The following ATP8A1 variants were observed in gnomAD, a reference collection of about 807,000 sequenced individuals.
ATP8A1 encodes the protein phospholipid-transporting ATPase IA.
ATP8A1 carries 90 observed loss-of-function variants against 177.7 expected under a neutral mutation model. The ratio of observed to expected loss-of-function variants is 0.51; its 90% CI spans 0.43 to 0.60. The LOEUF (loss-of-function observed/expected upper bound fraction) is 0.60, where lower values mean the gene tolerates loss of function less well. Among genes scored for constraint, ATP8A1 ranks in the 20% least tolerant of loss-of-function variants. ATP8A1 has a pLI of 0.00. For synonymous variants in ATP8A1, 493 were observed against 485.9 expected, an observed-to-expected ratio of 1.01 and a Z score of -0.19; for missense variants, 1,072 against 1,392.8, an observed-to-expected ratio of 0.77 and a Z score of 3.67.
chr4:42,564,046 C>T (rs910965441), intron 15 of ATP8A1, among the ~76,000 whole-genome samples: 103 of 152,288 alleles, frequency 6.8e-4, no homozygotes, highest in African/African-American at 2.5e-3. Flanking sequence ...AGTGAGCCAA[C>T]ATTGCACTAC....
At chr4:42,477,458 C>T (rs569813050) in intron 25 of ATP8A1, among the ~76,000 whole-genome samples, 47 of 152,116 alleles carry the variant, frequency 3.1e-4, no homozygotes, top group Non-Finnish European at 4.9e-4. Context: ...TACATATACG[C>T]CACAGCCAAG....
intron 1 of ATP8A1, among the ~76,000 whole-genome samples, chr4:42,636,134 ACACACACACACACACACACACACG>A (rs1450820088): frequency 1.9e-4 from 7 of 37,148 alleles, no homozygotes; most frequent in African/African-American, 5.5e-4. Flanking sequence ...ACACACACAC[ACACACACACACACACACACACACG>A]CACACACACA....
chr4:42,482,256 C>T (rs1301092079), intron 25 of ATP8A1, among the ~76,000 whole-genome samples: 1 of 151,504 alleles, frequency 6.6e-6, no homozygotes, highest in African/African-American at 2.4e-5. Flanking sequence ...GAGCTGAGAT[C>T]GCGCCACTGC....
intron 16 of ATP8A1, among the ~76,000 whole-genome samples, chr4:42,553,482 T>A (rs1729719563): frequency 1.3e-5 from 2 of 152,088 alleles, no homozygotes; most frequent in African/African-American, 4.8e-5. Context: ...GACAGAAGGG[T>A]GTATCCTTTC....
At chr4:42,586,559 G>T in intron 8 of ATP8A1, 83 bp from the exon 9 acceptor site, 1 of 1,323,382 alleles carries the variant, frequency 7.6e-7, no homozygotes, top group Non-Finnish European at 1.1e-6. Context: ...ATTCATCCAA[G>T]TCTTAAGATC....
intron 16 of ATP8A1, 145 bp downstream of exon 16, chr4:42,555,823 C>CAAAT (rs1730169278): frequency 1.2e-5 from 7 of 586,290 alleles, no homozygotes; most frequent in Non-Finnish European, 2.0e-5. Flanking sequence ...GACTCTGTCT[C>CAAAT]AAATAACTAA....
chr4:42,462,929 C>T lies in ATP8A1; in HGVS notation c.2619+1761G>A, dbSNP rs534043093. ...AAGGTTTTACTGCCCTGCTGGATTT[C>T]GGACTTGCCTGGGGCCTGTGGTCCC... On this transcript the variant is annotated intron_variant, in intron 27 of 36. Transcript: ENST00000381668. Among the ~76,000 whole-genome samples the T allele has an allele frequency of 7.2e-5, 11 of 152,300 alleles. No homozygotes were observed. The East Asian group carries it at 1.5e-3, about 21-fold the overall frequency.
chr4:42,432,508 C>A (rs1366811581), intron 33 of ATP8A1, among the ~76,000 whole-genome samples: 3 of 152,130 alleles, frequency 2.0e-5, no homozygotes, highest in Admixed American at 2.0e-4. Context: ...TGGTGAAATA[C>A]CATGGTGGGA....
intron 20 of ATP8A1, among the ~76,000 whole-genome samples, chr4:42,528,237 A>G (rs10011415): frequency 0.056 from 8,450 of 152,190 alleles, 776 homozygotes; most frequent in African/African-American, 0.19. Context: ...GGATCCCCAC[A>G]TTGGCTCCCT....
At chr4:42,636,138 A>G (rs530595578) in intron 1 of ATP8A1, among the ~76,000 whole-genome samples, 969 of 40,284 alleles carry the variant, frequency 0.024, 9 homozygotes, top group African/African-American at 0.061. Context: ...ACACACACAC[A>G]CACACACACA....
intron 15 of ATP8A1, among the ~76,000 whole-genome samples, chr4:42,568,496 T>C (rs1731576540): frequency 6.6e-6 from 1 of 152,140 alleles, no homozygotes; most frequent in Admixed American, 6.5e-5. Context: ...AAATCTGCAC[T>C]ATCCAAGATG....
intron 20 of ATP8A1, among the ~76,000 whole-genome samples, chr4:42,529,185 C>G (rs1727003776): frequency 6.6e-6 from 1 of 152,200 alleles, no homozygotes; most frequent in South Asian, 2.1e-4. Flanking sequence ...TATGACCTAG[C>G]AGATTCAATG....
chr4:42,589,234 A>G (rs1315343353), intron 7 of ATP8A1, among the ~76,000 whole-genome samples: 3 of 152,212 alleles, frequency 2.0e-5, no homozygotes, highest in Admixed American at 2.0e-4. Context: ...CCTTAATTCT[A>G]AAGAAAAGCA....
At chr4:42,445,603 T>C (rs941808653) in intron 31 of ATP8A1, among the ~76,000 whole-genome samples, 2 of 152,196 alleles carry the variant, frequency 1.3e-5, no homozygotes, top group African/African-American at 4.8e-5. Flanking sequence ...AGTTCTACTT[T>C]AAGGCACATT....
chr4:42,621,230 G>C (rs1737434114), intron 4 of ATP8A1, among the ~76,000 whole-genome samples: 1 of 152,204 alleles, frequency 6.6e-6, no homozygotes, highest in African/African-American at 2.4e-5. Flanking sequence ...TTATACACAT[G>C]CACAACATCT....
chr4:42,468,605 C>G (rs1184034094), intron 25 of ATP8A1, among the ~76,000 whole-genome samples: 2 of 151,900 alleles, frequency 1.3e-5, no homozygotes, highest in Non-Finnish European at 2.9e-5. Context: ...TGTTCTTACT[C>G]ATATGTGGGA....
intron 33 of ATP8A1, among the ~76,000 whole-genome samples, chr4:42,425,127 C>T (rs550670783): frequency 6.6e-6 from 1 of 152,240 alleles, no homozygotes; most frequent in East Asian, 1.9e-4. Context: ...AAACCAATTT[C>T]TTTCTCCTTC....
intron 22 of ATP8A1, among the ~76,000 whole-genome samples, chr4:42,511,709 G>C (rs1477490351): frequency 6.6e-6 from 1 of 152,144 alleles, no homozygotes; most frequent in Non-Finnish European, 1.5e-5. Context: ...TATTATGATA[G>C]CTTTAGAAAT....
chr4:42,591,123 T>G (rs543989365), intron 6 of ATP8A1, among the ~76,000 whole-genome samples: 2 of 152,226 alleles, frequency 1.3e-5, no homozygotes, highest in Non-Finnish European at 2.9e-5. Context: ...ATTTAAAGTT[T>G]TAGTGTGAAA....
Sources: gnomAD v4.1 joint callset for allele counts (sites outside exome capture counted in the v4.1 genomes callset) on GRCh38, gnomAD v4.1.1 for gene constraint, MANE v1.5 for transcripts, NCBI Gene and HGNC (gene_info 2026-07-23, HGNC 2026-07-21) for gene names.